Variants in CHEK2 observed in about 807,000 individuals in gnomAD.
CHEK2 encodes the protein checkpoint kinase 2.
CHEK2 carries 71 observed loss-of-function variants against 69.1 expected under a neutral mutation model. That is an observed-to-expected ratio of 1.03 (90% CI 0.85 to 1.25). The LOEUF (loss-of-function observed/expected upper bound fraction) is 1.25, where lower values mean the gene tolerates loss of function less well. Ranked by LOEUF, CHEK2 falls within the 50% of genes most tolerant of loss-of-function variation. The probability of loss-of-function intolerance (pLI) is 0.00; values close to 1 mark genes in which losing one functional copy is unlikely to be tolerated. For missense variants in CHEK2, 664 were observed against 649.6 expected (o/e 1.02, Z -0.24); for synonymous variants, 189 against 226.9 (o/e 0.83, Z 1.50).
At chr22:28,728,950 G>A (rs918164638) in intron 2 of CHEK2, among the ~76,000 whole-genome samples, 3 of 145,128 alleles carry the variant, frequency 2.1e-5, no homozygotes, top group Non-Finnish European at 1.5e-5. Flanking sequence ...ACACTCCAGC[G>A]TGGGTAAGAG....
chr22:28,735,178 G>A lies in CHEK2; in HGVS notation c.-6-451C>T, dbSNP rs146477313. On this transcript the variant is annotated intron_variant, in intron 1 of 14. Coordinates refer to ENST00000404276, the MANE Select transcript of CHEK2 (RefSeq NM_007194.4). The stretch of plus-strand genomic sequence containing the variant: ...GTCCCGCACTTTGGGAGGACAAGAC[G>A]GGCAGATCATGAGGTCAGGAGTTCA... 3.7e-4 allele frequency among the ~76,000 whole-genome samples: 57 copies of A among 152,138 alleles called. 1 individual carries two copies. The highest frequency in any genetic ancestry group is 2.7e-3 in the South Asian group (13 of 4,810).
rs786203053 is a variant in CHEK2 at position 28,699,925 on chromosome 22, T to TC, written c.920dup (p.Glu308ArgfsTer4). 21 of 1,613,246 alleles carry TC rather than the reference T, an allele frequency of 1.3e-5. No homozygotes were observed. Among genetic ancestry groups the TC allele is most frequent in the Non-Finnish European group, 1.8e-5 (21 of 1,179,410 alleles). On this transcript the variant is annotated frameshift_variant, in exon 9 of 15. Transcript: ENST00000404276. LOFTEE classifies it high-confidence loss of function. The stretch of plus-strand genomic sequence containing the variant: ...TCCCCACCACTTTGTCAAACAGCTC[T>TC]CCCCCTTCCATCCTGAAACACAAAG...
intron 7 of CHEK2, among the ~76,000 whole-genome samples, chr22:28,706,912 T>C (rs2053175189): frequency 6.6e-6 from 1 of 152,000 alleles, no homozygotes. Flanking sequence ...GGAGACTCCA[T>C]CTCATACATA....
chr22:28,701,490 G>T (rs1283979449), intron 8 of CHEK2, among the ~76,000 whole-genome samples: 2 of 152,158 alleles, frequency 1.3e-5, no homozygotes, highest in African/African-American at 2.4e-5. Context: ...GGGATTACAG[G>T]TGTGAGCCAC....
intron 10 of CHEK2, among the ~76,000 whole-genome samples, chr22:28,696,681 C>T (rs1253439467): frequency 6.6e-6 from 1 of 152,168 alleles, no homozygotes; most frequent in Non-Finnish European, 1.5e-5. Context: ...TAGACCCCTC[C>T]TCTCTCTCTA....
chr22:28,715,741 A>G (rs566855926), intron 5 of CHEK2, among the ~76,000 whole-genome samples: 1 of 152,298 alleles, frequency 6.6e-6, no homozygotes, highest in South Asian at 2.1e-4. Flanking sequence ...CAGTTACAAA[A>G]GCCAGTAAAT....
chr22:28,721,281 G>GTTTTTTTTTT (rs755378917), intron 4 of CHEK2, among the ~76,000 whole-genome samples: 5 of 109,946 alleles, frequency 4.5e-5, no homozygotes, highest in Non-Finnish European at 7.2e-5. Flanking sequence ...GTTTGTTTGG[G>GTTTTTTTTTT]TTTTTTTTTT....
At chr22:28,689,526 T>C in intron 13 of CHEK2, 1 of 378,392 alleles carries the variant, frequency 2.6e-6, no homozygotes, top group Non-Finnish European at 5.1e-6. Context: ...CTGAGAAAGG[T>C]GGCAATCAGG....
intron 1 of CHEK2, among the ~76,000 whole-genome samples, chr22:28,738,445 A>G (rs1463341786): frequency 6.6e-6 from 1 of 152,170 alleles, no homozygotes; most frequent in Admixed American, 6.6e-5. Flanking sequence ...GAAACTGTGC[A>G]TGACTTTAGG....
At chr22:28,725,531 C>T (rs1321849695) in intron 2 of CHEK2, among the ~76,000 whole-genome samples, 164 bp from the exon 3 acceptor site, 2 of 152,168 alleles carry the variant, frequency 1.3e-5, no homozygotes, top group East Asian at 1.9e-4. Context: ...AGAGAAAAAA[C>T]AACATTACCA....
At chr22:28,710,404 AGT>A (rs1353216360) in intron 6 of CHEK2, among the ~76,000 whole-genome samples, 1 of 152,244 alleles carries the variant, frequency 6.6e-6, no homozygotes, top group Non-Finnish European at 1.5e-5. Flanking sequence ...GTCAGAAACA[AGT>A]GTGTTTCCAC....
intron 9 of CHEK2, among the ~76,000 whole-genome samples, chr22:28,699,196 T>TATATTG (rs2052716685): frequency 6.6e-6 from 1 of 151,354 alleles, no homozygotes; most frequent in African/African-American, 2.4e-5. Context: ...GAGATGGGGG[T>TATATTG]CCCATTATAT....
Position 28,741,761 on chromosome 22 carries a change from T to G in CHEK2, c.-7+8A>C, listed in dbSNP as rs1006865074. ...AAACACCCAACAGAAGTTCCCCATA[T>G]GACTCACCGCGTGAGCCCACCTGGA... On this transcript the variant is annotated splice_region_variant and intron_variant, in intron 1 of 14. Transcript: ENST00000404276. 1.4e-5 allele frequency: 6 copies of G among 420,700 alleles called. No individual in the cohort carries two copies. Among genetic ancestry groups the G allele is most frequent in the Non-Finnish European group, 2.6e-5 (6 of 227,576 alleles). The allele number at this position is 420,700 out of a possible 1,614,324, so 26.1% of individuals were successfully genotyped here.
intron 5 of CHEK2, among the ~76,000 whole-genome samples, chr22:28,715,840 T>C (rs1370901035): frequency 2.0e-5 from 3 of 152,112 alleles, no homozygotes; most frequent in Non-Finnish European, 4.4e-5. Flanking sequence ...TAGGAAAACA[T>C]TGAATTCCAT....
intron 14 of CHEK2, among the ~76,000 whole-genome samples, chr22:28,688,721 T>TCAA (rs1039027002): frequency 6.6e-5 from 10 of 151,658 alleles, no homozygotes; most frequent in Admixed American, 1.3e-4. Context: ...CAGCTACCAT[T>TCAA]CAACAACAAC....
chr22:28,719,456 C>A lies in CHEK2; in HGVS notation c.622G>T (p.Asp208Tyr), dbSNP rs2053694409. Residue 208 changes from aspartate (D) to tyrosine (Y), a missense_variant, in exon 5 of 15, where the codon GAT becomes TAT. Asp to Tyr is a radical substitution (Grantham distance 160). Transcript: ENST00000404276. ...VFVFFDLTVD[D>Y]QSVYPKALRD... ...AATGCCTTAGGATAAACTGACTGATCATCTACAGTCAGATCAAAAAAGACA... is the reference window on the plus strand; with the variant it reads ...AATGCCTTAGGATAAACTGACTGATAATCTACAGTCAGATCAAAAAAGACA... The A allele has an allele frequency of 6.3e-7, 1 of 1,593,064 alleles. No homozygotes were observed. Among genetic ancestry groups the A allele is most frequent in the Non-Finnish European group, 8.6e-7 (1 of 1,167,518 alleles).
intron 2 of CHEK2, chr22:28,730,393 G>C: frequency 1.8e-6 from 1 of 568,304 alleles, no homozygotes; most frequent in Non-Finnish European, 3.2e-6. Flanking sequence ...GAAAGGGAAA[G>C]GGAAAGACCC....
intron 5 of CHEK2, among the ~76,000 whole-genome samples, chr22:28,719,162 C>T (rs149809926): frequency 2.8e-4 from 43 of 152,046 alleles, no homozygotes; most frequent in African/African-American, 9.6e-4. Flanking sequence ...TGCCACTACC[C>T]TCCAGCCTGG....
rs773846607 is a variant in CHEK2, at chr22:28,696,974, T to G, written c.1022A>C (p.Asn341Thr). Residue 341 changes from asparagine (N) to threonine (T), a missense_variant, in exon 10 of 15, where the codon AAC becomes ACC. Transcript: ENST00000404276. ...CTTTAAGTCACGGTGTATAATACCGTTTTCATGAAGGTACTACACAGAAAG... is the reference window on the plus strand; with the variant it reads ...CTTTAAGTCACGGTGTATAATACCGGTTTCATGAAGGTACTACACAGAAAG... ...MLLAVQYLHENGIIHRDLKPE... is the reference protein window; with the variant it reads ...MLLAVQYLHETGIIHRDLKPE... 42 of 1,611,812 alleles carry G rather than the reference T, an allele frequency of 2.6e-5. No homozygotes were observed. The highest frequency in any genetic ancestry group is 3.1e-5 in the Non-Finnish European group (37 of 1,178,194).
Sources: allele counts gnomAD v4.1 joint callset (sites outside exome capture counted in the v4.1 genomes callset), GRCh38; gene constraint gnomAD v4.1.1; transcripts MANE v1.5; gene names NCBI Gene and HGNC (gene_info 2026-07-23, HGNC 2026-07-21).